SUGP2: variants seen among roughly 807,000 people sequenced by gnomAD.
SUGP2 encodes the protein SURP and G-patch domain-containing protein 2.
In SUGP2, 24 loss-of-function variants were observed where a neutral mutation model predicts 90.5. That is an observed-to-expected ratio of 0.27 (90% CI 0.19 to 0.37). The LOEUF (loss-of-function observed/expected upper bound fraction) is 0.37. Among genes scored for constraint, SUGP2 ranks in the 10% least tolerant of loss-of-function variants. The probability of loss-of-function intolerance (pLI) is 1.00; values close to 1 mark genes in which losing one functional copy is unlikely to be tolerated. For synonymous variants in SUGP2, 473 were observed against 513.4 expected (o/e 0.92, Z 1.06); for missense variants, 1,233 against 1,363.3 (o/e 0.90, Z 1.51).
In SUGP2 at chr19:19,028,459, C is replaced by T. The variant is rs569463302; in HGVS notation, c.122-2233G>A. Among the ~76,000 whole-genome samples the T allele has an allele frequency of 5.9e-5, 9 of 152,240 alleles. No individual in the cohort carries two copies. In the South Asian group the frequency reaches 1.9e-3, roughly 32 times the overall value. ...TCCTGCAAGAAATCCACTGTGATAA[C>T]CCAGGTATTGATGATTGGTATTGAT... is the stretch of plus-strand genomic sequence containing the variant. On this transcript the variant is annotated intron_variant, in intron 2 of 10. Coordinates refer to ENST00000452918, the MANE Select transcript of SUGP2 (RefSeq NM_001017392.5).
chr19:19,013,366 C>T (rs913422389), intron 4 of SUGP2, among the ~76,000 whole-genome samples: 54 of 152,166 alleles, frequency 3.5e-4, no homozygotes, highest in African/African-American at 1.3e-3. Context: ...GTAGCGTTCA[C>T]CTGCTATGCA....
Position 19,019,126 on chromosome 19 carries a change from T to C in SUGP2, c.1833A>G (p.Lys611=). 6.2e-7 allele frequency: 1 copy of C among 1,614,020 alleles called. No homozygotes were observed. The highest frequency in any genetic ancestry group is 1.7e-4 in the Middle Eastern group (1 of 6,058). Residue 611 remains lysine, a synonymous_variant, in exon 4 of 11, where the codon AAA becomes AAG. Transcript: ENST00000452918. ...SLSPKERTLL[K]EDPAYWFLSD... ...AGACCTACCAGTAAGCAGGGTCCTCTTTGAGAAGAGTTCTCTCTTTGGGAG... is the reference window on the plus strand; with the variant it reads ...AGACCTACCAGTAAGCAGGGTCCTCCTTGAGAAGAGTTCTCTCTTTGGGAG...
chr19:19,010,115 G>C lies in SUGP2; in HGVS notation c.2078C>G (p.Ala693Gly). The C allele has an allele frequency of 6.3e-7, 1 of 1,591,666 alleles. No individual in the cohort carries two copies. The highest frequency in any genetic ancestry group is 8.5e-7 in the Non-Finnish European group (1 of 1,171,598). Reference sequence around the variant, plus strand: ...CTGGGTCCCGGTGGTCGCTCTCCTCGCCTTCCAGCCCCGGAGCCCTTGAGC... The same window carrying C: ...CTGGGTCCCGGTGGTCGCTCTCCTCCCCTTCCAGCCCCGGAGCCCTTGAGC... ...LRAQGLRGWKARRATTGTQTL... is the reference protein window; with the variant it reads ...LRAQGLRGWKGRRATTGTQTL... The change falls in exon 5 of 11, where the codon GCG becomes GGG. Residue 693 changes from alanine to glycine, a missense_variant. Around this residue, in one of 8 missense-constraint regions of SUGP2, gnomAD observed 540 missense variants for 542.6 expected, o/e 1.00. Transcript: ENST00000452918.
In SUGP2 at chr19:19,001,517, T is replaced by C. The variant is rs1225809982; in HGVS notation, c.2991+96A>G. ...ACATTAATACCTCAGTTTGAAATGT[T>C]AGCACAGCTTAATCACAAGCTGCAG... On this transcript the variant is annotated intron_variant, in intron 8 of 10. Coordinates refer to ENST00000452918, the MANE Select transcript of SUGP2 (RefSeq NM_001017392.5). The C allele has an allele frequency of 2.4e-6, 3 of 1,260,062 alleles. No individual in the cohort carries two copies. In the East Asian group the frequency reaches 6.9e-5, roughly 29 times the overall value. 78.1% of individuals were successfully genotyped at this position (1,260,062 alleles called of 1,614,324 possible).
At chr19:19,031,822 A>C (rs1056640495) in intron 1 of SUGP2, among the ~76,000 whole-genome samples, 30 of 115,478 alleles carry the variant, frequency 2.6e-4, no homozygotes, top group South Asian at 2.0e-3. Context: ...CTTTTTATTT[A>C]TCTTTTTTTT....
At position 19,026,032 on chromosome 19, in the gene SUGP2, C is replaced by G. The variant is rs1469524201; in HGVS notation, c.316G>C (p.Glu106Gln). 5 of 1,614,018 alleles carry G rather than the reference C, an allele frequency of 3.1e-6. No homozygotes were observed. In the Admixed American group the frequency reaches 6.7e-5, roughly 22 times the overall value. Residue 106 changes from glutamate (E) to glutamine (Q), a missense_variant, in exon 3 of 11, where the codon GAA becomes CAA. Glu to Gln is a conservative substitution (Grantham distance 29, BLOSUM62 2). Around this residue, in one of 8 missense-constraint regions of SUGP2, gnomAD observed 418 missense variants for 399.9 expected, o/e 1.05. Coordinates refer to ENST00000452918, the MANE Select transcript of SUGP2 (RefSeq NM_001017392.5). ...GAAAATTCCAGATCCCGGCCACATT[C>G]TTTGCGAAAGTAGCTGTCATCACTG... ...SISDDSYFRK[E>Q]CGRDLEFSHS...
At chr19:19,032,646 C>A (rs28445835) in intron 1 of SUGP2, among the ~76,000 whole-genome samples, 9 of 151,942 alleles carry the variant, frequency 5.9e-5, no homozygotes, top group Non-Finnish European at 1.0e-4. Context: ...AGAGGCGGGT[C>A]CTGTTATGAA....
chr19:19,002,514 T>TGTTTTTGTTTTTTTTTG (rs1568389340), intron 7 of SUGP2, among the ~76,000 whole-genome samples: 1 of 139,392 alleles, frequency 7.2e-6, no homozygotes, highest in African/African-American at 2.6e-5. Flanking sequence ...TGTTTTTTTT[T>TGTTTTTGTTTTTTTTTG]TTTTTTTTTT....
At chr19:19,027,745 C>G (rs564529751) in intron 2 of SUGP2, among the ~76,000 whole-genome samples, 2 of 152,170 alleles carry the variant, frequency 1.3e-5, no homozygotes, top group South Asian at 4.1e-4. Flanking sequence ...TCAAGCGATT[C>G]TCCTGCCTCC....
At chr19:19,028,158 CCAGA>C (rs2059006602) in intron 2 of SUGP2, among the ~76,000 whole-genome samples, 1 of 152,148 alleles carries the variant, frequency 6.6e-6, no homozygotes, top group African/African-American at 2.4e-5. Flanking sequence ...GACCACCTCC[CCAGA>C]CATTCTTACT....
intron 3 of SUGP2, among the ~76,000 whole-genome samples, chr19:19,023,251 C>T (rs2058796024): frequency 1.3e-5 from 2 of 152,330 alleles, no homozygotes; most frequent in South Asian, 4.1e-4. Context: ...AGCACGACCT[C>T]TCCAACTTTC....
intron 3 of SUGP2, among the ~76,000 whole-genome samples, chr19:19,019,805 T>C (rs2058640790): frequency 6.9e-6 from 1 of 144,314 alleles, no homozygotes; most frequent in Non-Finnish European, 1.5e-5. Context: ...AGAAAATATA[T>C]GTATCAATTC....
intron 8 of SUGP2, among the ~76,000 whole-genome samples, chr19:18,995,867 C>G (rs1239421632): frequency 6.6e-6 from 1 of 152,160 alleles, no homozygotes; most frequent in African/African-American, 2.4e-5. Flanking sequence ...TCACTGAGAG[C>G]TAGTACAGCT....
chr19:19,020,762 G>C (rs1289074168), intron 3 of SUGP2, among the ~76,000 whole-genome samples: 1 of 151,956 alleles, frequency 6.6e-6, no homozygotes, highest in Admixed American at 6.6e-5. Context: ...AAGTGTGAAT[G>C]TCCTCCAATA....
Position 19,031,517 on chromosome 19 carries a change from G to A in SUGP2, c.-11-435C>T, listed in dbSNP as rs552515471. ...CCACTGCACTCCAGCATGGGTAACAGAGTGAGACTCCGTCTCAAAAAAAAA... is the reference window on the plus strand; with the variant it reads ...CCACTGCACTCCAGCATGGGTAACAAAGTGAGACTCCGTCTCAAAAAAAAA... On this transcript the variant is annotated intron_variant, in intron 1 of 10. Transcript: ENST00000452918. Among the ~76,000 whole-genome samples the A allele has an allele frequency of 2.9e-4, 44 of 149,454 alleles. 1 individual carries two copies. The South Asian group carries it at 8.0e-3, about 27-fold the overall frequency.
In SUGP2 at chr19:19,019,221, G is replaced by A; in HGVS notation, c.1738C>T (p.Gln580Ter). ...APSSLSDAVP[Q>*]RADHRVVGTI... ...CCCACTACCCTGTGATCTGCTCGCT[G>A]GGGGACAGCTGGAACACACAGAACA... The change falls in exon 4 of 11, where the codon CAG becomes TAG. Residue 580 changes from glutamine to a stop codon, truncating the protein, a stop_gained. Coordinates refer to ENST00000452918, the MANE Select transcript of SUGP2 (RefSeq NM_001017392.5). LOFTEE classifies it high-confidence loss of function. 6.2e-7 allele frequency: 1 copy of A among 1,613,064 alleles called. No individual in the cohort carries two copies. The highest frequency in any genetic ancestry group is 8.5e-7 in the Non-Finnish European group (1 of 1,179,162).
At chr19:19,004,680 A>G in intron 6 of SUGP2, 34 bp from the exon 7 acceptor site, 1 of 1,494,922 alleles carries the variant, frequency 6.7e-7, no homozygotes, top group Non-Finnish European at 9.1e-7. Context: ...GGGTAACCAG[A>G]TGGAATCTCT....
rs775102340 is a variant in SUGP2 at position 18,995,140 on chromosome 19, G to T, written c.3128+4C>A. On this transcript the variant is annotated splice_donor_region_variant and intron_variant, in intron 9 of 10. Coordinates refer to ENST00000452918, the MANE Select transcript of SUGP2 (RefSeq NM_001017392.5). ...ACTCCCACCCCAGGCTGCCTGCTGC[G>T]TACACGCTGACCGGCTCCCTGATGC... 1.9e-6 allele frequency: 3 copies of T among 1,611,898 alleles called. No homozygotes were observed. Among genetic ancestry groups the T allele is most frequent in the East Asian group, 4.5e-5 (2 of 44,832 alleles).
chr19:19,010,706 G>C (rs2058277966), intron 4 of SUGP2, among the ~76,000 whole-genome samples: 1 of 152,226 alleles, frequency 6.6e-6, no homozygotes, highest in Admixed American at 6.5e-5. Flanking sequence ...TGCTCGGTGA[G>C]CTTTTGACTG....
Sources: gnomAD v4.1 joint callset for allele counts (sites outside exome capture counted in the v4.1 genomes callset) on GRCh38, gnomAD v4.1.1 for gene constraint, gnomAD v4.1.1 regional missense constraint, MANE v1.5 for transcripts, NCBI Gene and HGNC (gene_info 2026-07-23, HGNC 2026-07-21) for gene names.